The following MACF1 variants were observed in gnomAD, a reference collection of about 807,000 sequenced individuals.
MACF1 encodes the protein microtubule-actin cross-linking factor 1.
Under a neutral mutation model 854.8 loss-of-function variants are expected in MACF1, and 193 were observed. The observed-to-expected ratio is 0.23, with a 90% CI of 0.20 to 0.25. The LOEUF (loss-of-function observed/expected upper bound fraction) is 0.25. Ranked by LOEUF, MACF1 falls within the 10% of genes least tolerant of loss-of-function variation. MACF1 has a pLI of 1.00. For synonymous variants in MACF1, 3,185 were observed against 3,226.7 expected (o/e 0.99, Z 0.44); for missense variants, 7,722 against 8,929.1 (o/e 0.86, Z 5.45).
chr1:39,098,813 T>C (rs1641996839), intron 2 of MACF1, among the ~76,000 whole-genome samples: 1 of 152,140 alleles, frequency 6.6e-6, no homozygotes, highest in African/African-American at 2.4e-5. Flanking sequence ...ATTGAGATGT[T>C]GCACTTTCTG....
At chr1:39,236,482 GC>G (rs1644860462) in intron 2 of MACF1, among the ~76,000 whole-genome samples, 2 of 152,266 alleles carry the variant, frequency 1.3e-5, no homozygotes, top group South Asian at 4.1e-4. Context: ...GAACTGACTA[GC>G]CTTTCTTTGT....
chr1:39,111,706 G>A (rs1642411418), intron 2 of MACF1, among the ~76,000 whole-genome samples: 1 of 152,046 alleles, frequency 6.6e-6, no homozygotes, highest in African/African-American at 2.4e-5. Flanking sequence ...TTATAGAGAT[G>A]GGATCTTGCA....
chr1:39,289,901 C>T (rs1279041150), intron 15 of MACF1, among the ~76,000 whole-genome samples: 3 of 151,624 alleles, frequency 2.0e-5, no homozygotes, highest in East Asian at 1.9e-4. Context: ...GGGTTCACCA[C>T]ATTGGCCAGG....
chr1:39,322,432 T>C (rs1053684659), intron 31 of MACF1, among the ~76,000 whole-genome samples, 176 bp from the exon 32 acceptor site: 1 of 152,212 alleles, frequency 6.6e-6, no homozygotes, highest in Non-Finnish European at 1.5e-5. Context: ...TCACTTATAA[T>C]GAGAGAGATA....
At chr1:39,092,647 T>C (rs1372956446) in intron 2 of MACF1, among the ~76,000 whole-genome samples, 1 of 152,104 alleles carries the variant, frequency 6.6e-6, no homozygotes, top group Non-Finnish European at 1.5e-5. Flanking sequence ...ATTTCAAACA[T>C]AGTAAAGTAG....
At chr1:39,089,811 T>C (rs754611500) in intron 2 of MACF1, among the ~76,000 whole-genome samples, 11 of 152,230 alleles carry the variant, frequency 7.2e-5, no homozygotes, top group Non-Finnish European at 1.3e-4. Flanking sequence ...ACCTCACTTC[T>C]TGGATCCTCA....
chr1:39,165,301 G>A (rs1310764481), intron 2 of MACF1, among the ~76,000 whole-genome samples: 1 of 152,154 alleles, frequency 6.6e-6, no homozygotes, highest in Non-Finnish European at 1.5e-5. Context: ...TGCTTCTGGG[G>A]TGAGGCCTGT....
chr1:39,380,170 A>T, intron 54 of MACF1, 74 bp from the exon 55 acceptor site: 1 of 1,503,986 alleles, frequency 6.6e-7, no homozygotes, highest in Non-Finnish European at 9.1e-7. Flanking sequence ...CCAGTTTTCC[A>T]ATCATTTCTA....
chr1:39,093,680 TTCA>T (rs1641867864), intron 2 of MACF1, among the ~76,000 whole-genome samples: 1 of 152,038 alleles, frequency 6.6e-6, no homozygotes. Context: ...GACACGGGGT[TTCA>T]TCATGTTGGC....
intron 2 of MACF1, among the ~76,000 whole-genome samples, chr1:39,097,100 C>T (rs1641957435): frequency 6.6e-6 from 1 of 151,924 alleles, no homozygotes; most frequent in Admixed American, 6.6e-5. Context: ...TGGTCTTGAA[C>T]TCCTGACCTC....
intron 4 of MACF1, among the ~76,000 whole-genome samples, chr1:39,253,590 T>G (rs527689214): frequency 6.9e-6 from 1 of 143,952 alleles, no homozygotes; most frequent in South Asian, 2.3e-4. Flanking sequence ...CTTGGCTCAC[T>G]GCAACTTCCA....
At chr1:39,440,111 CTTTTTTTTT>C (rs774399403) in intron 72 of MACF1, among the ~76,000 whole-genome samples, 4 of 64,518 alleles carry the variant, frequency 6.2e-5, no homozygotes, top group African/African-American at 2.7e-4. Flanking sequence ...CTTTTCTTTT[CTTTTTTTTT>C]TTTTTTTTTG....
intron 71 of MACF1, 25 bp from the exon 72 acceptor site, chr1:39,439,249 A>G (rs1284209282): frequency 2.1e-6 from 3 of 1,456,618 alleles, no homozygotes; most frequent in African/African-American, 1.4e-5. Flanking sequence ...AGTCCTATTC[A>G]TATCTCTTTT....
At chr1:39,114,123 A>G (rs1642484097) in intron 2 of MACF1, among the ~76,000 whole-genome samples, 2 of 149,050 alleles carry the variant, frequency 1.3e-5, no homozygotes, top group Non-Finnish European at 3.0e-5. Flanking sequence ...CCCTGCCCCT[A>G]CACACCCCCA....
At chr1:39,324,488 G>A (rs763644698) in intron 34 of MACF1, 143 bp downstream of exon 34, 154 of 1,161,436 alleles carry the variant, frequency 1.3e-4, no homozygotes, top group Admixed American at 3.8e-4. Flanking sequence ...AAGCCATCTT[G>A]TTTGTTCTTG....
At chr1:39,171,877 C>T (rs1643954347) in intron 2 of MACF1, among the ~76,000 whole-genome samples, 1 of 152,224 alleles carries the variant, frequency 6.6e-6, no homozygotes, top group South Asian at 2.1e-4. Flanking sequence ...CCGCCCGCCT[C>T]AGCCTCTCAA....
intron 37 of MACF1, 33 bp from the exon 38 acceptor site, chr1:39,337,149 A>C (rs1369326903): frequency 6.9e-6 from 11 of 1,596,760 alleles, no homozygotes; most frequent in Non-Finnish European, 7.7e-6. Context: ...GGAGAACGTC[A>C]GAACTGAGTC....
chr1:39,199,283 C>T (rs1644360806), intron 2 of MACF1, among the ~76,000 whole-genome samples: 1 of 148,822 alleles, frequency 6.7e-6, no homozygotes, highest in Non-Finnish European at 1.5e-5. Flanking sequence ...CTGTGCCTGG[C>T]CTGTTGTGAC....
At position 39,327,221 on chromosome 1, in the gene MACF1, C is replaced by T. The variant is rs868615840; in HGVS notation, c.4482C>T (p.Leu1494=). The change falls in exon 36 of 101, where the codon CTC becomes CTT. Residue 1494 remains leucine (L), a synonymous_variant. Coordinates refer to ENST00000564288, the MANE Select transcript of MACF1 (RefSeq NM_001394062.1). Reference sequence around the variant, plus strand: ...GCTTTAATGCTTCATCTTCCAGGCTCTCAGAAAAAGAGAAGAAACAAATAT... The same window carrying T: ...GCTTTAATGCTTCATCTTCCAGGCTTTCAGAAAAAGAGAAGAAACAAATAT... ...QIFLAKHGHK[L]SEKEKKQISE... 9.6e-6 allele frequency: 15 copies of T among 1,566,028 alleles called. No homozygotes were observed. The highest frequency in any genetic ancestry group is 1.3e-5 in the Non-Finnish European group (15 of 1,144,474).
Sources: gnomAD v4.1 joint callset for allele counts (sites outside exome capture counted in the v4.1 genomes callset) on GRCh38, gnomAD v4.1.1 for gene constraint, MANE v1.5 for transcripts, NCBI Gene and HGNC (gene_info 2026-07-23, HGNC 2026-07-21) for gene names.